DPP6: variants seen among roughly 807,000 people sequenced by gnomAD.
The protein encoded by DPP6 is dipeptidyl peptidase like 6.
DPP6 carries 69 observed loss-of-function variants against 122.6 expected under a neutral mutation model. The observed-to-expected ratio is 0.56, with a 90% confidence interval of 0.46 to 0.69. DPP6 has a LOEUF of 0.69. DPP6 is among the 30% of genes least tolerant of loss of function. The probability of loss-of-function intolerance (pLI) is 0.00; values close to 1 mark genes in which losing one functional copy is unlikely to be tolerated. For synonymous variants in DPP6, 418 were observed against 433.1 expected, an observed-to-expected ratio of 0.97 and a Z score of 0.43; for missense variants, 928 against 1,116.9, an observed-to-expected ratio of 0.83 and a Z score of 2.41.
At chr7:154,575,452 G>GTGTGTGTGGTATGTGTGTA (rs1831562388) in intron 5 of DPP6, among the ~76,000 whole-genome samples, 1 of 120,640 alleles carries the variant, frequency 8.3e-6, no homozygotes, top group East Asian at 2.7e-4. Flanking sequence ...GTGTGTGTAT[G>GTGTGTGTGGTATGTGTGTA]TGTGTGNGCG....
At chr7:154,513,580 G>A (rs1826251248) in intron 3 of DPP6, among the ~76,000 whole-genome samples, 1 of 152,120 alleles carries the variant, frequency 6.6e-6, no homozygotes, top group Non-Finnish European at 1.5e-5. Flanking sequence ...GGTGAAGCAA[G>A]GACTCAGCTC....
intron 5 of DPP6, among the ~76,000 whole-genome samples, chr7:154,579,490 G>T (rs1831902036): frequency 6.6e-6 from 1 of 152,236 alleles, no homozygotes; most frequent in Non-Finnish European, 1.5e-5. Flanking sequence ...AAGAATTAGT[G>T]AAATCAACCA....
chr7:154,437,220 A>T (rs1418801710), intron 1 of DPP6, among the ~76,000 whole-genome samples: 3 of 152,218 alleles, frequency 2.0e-5, no homozygotes, highest in Admixed American at 6.5e-5. Context: ...TTTTTCCATT[A>T]TACTGGATTA....
At chr7:154,810,942 C>A (rs1799021738) in intron 16 of DPP6, among the ~76,000 whole-genome samples, 1 of 152,248 alleles carries the variant, frequency 6.6e-6, no homozygotes, top group South Asian at 2.1e-4. Flanking sequence ...CTAATCCAGT[C>A]TCCACCCTGC....
At chr7:154,475,587 G>A (rs1822658363) in intron 3 of DPP6, 2 of 157,154 alleles carry the variant, frequency 1.3e-5, no homozygotes, top group Non-Finnish European at 2.8e-5. Context: ...TTGTATGGGG[G>A]ATTTTTTTTT....
chr7:154,518,081 A>G lies in DPP6; in HGVS notation c.458-22451A>G, dbSNP rs115175597. 6.0e-3 allele frequency among the ~76,000 whole-genome samples: 918 copies of G among 152,268 alleles called. 10 individuals carry two copies. Among genetic ancestry groups the G allele is most frequent in the African/African-American group, 0.021 (856 of 41,538 alleles). On this transcript the variant is annotated intron_variant, in intron 3 of 25. Coordinates refer to ENST00000377770, the MANE Select transcript of DPP6 (RefSeq NM_130797.4). ...GTACCATTAAAATGAATGCTCCTTCACTCGTAAAAACAATGTCTTGTACCG... is the reference window on the plus strand; with the variant it reads ...GTACCATTAAAATGAATGCTCCTTCGCTCGTAAAAACAATGTCTTGTACCG...
chr7:154,749,535 C>T (rs369343379), intron 8 of DPP6, among the ~76,000 whole-genome samples: 19 of 108,522 alleles, frequency 1.8e-4, no homozygotes, highest in East Asian at 2.7e-4. Context: ...GAGCATAGGA[C>T]GGGAGAGAGA....
intron 1 of DPP6, among the ~76,000 whole-genome samples, chr7:154,428,353 A>T (rs1273254154): frequency 6.6e-6 from 1 of 152,206 alleles, no homozygotes; most frequent in Non-Finnish European, 1.5e-5. Flanking sequence ...TATTCCACTA[A>T]TATAGAGTGA....
chr7:154,342,868 G>A (rs886141996), intron 1 of DPP6, among the ~76,000 whole-genome samples: 10 of 152,194 alleles, frequency 6.6e-5, no homozygotes, highest in African/African-American at 2.4e-4. Context: ...GCCAATCGTG[G>A]CCAAAGCTCT....
intron 1 of DPP6, among the ~76,000 whole-genome samples, chr7:154,318,909 G>A (rs1807674583): frequency 6.6e-6 from 1 of 152,208 alleles, no homozygotes; most frequent in Admixed American, 6.5e-5. Flanking sequence ...TTGGCAGTGA[G>A]GATCATTGAT....
intron 3 of DPP6, among the ~76,000 whole-genome samples, chr7:154,492,949 T>C (rs914700890): frequency 6.6e-6 from 1 of 152,048 alleles, no homozygotes; most frequent in Non-Finnish European, 1.5e-5. Flanking sequence ...AGAAAAACAG[T>C]CAGTAAAAAT....
intron 1 of DPP6, among the ~76,000 whole-genome samples, chr7:154,158,337 T>C (rs1046413374): frequency 1.3e-5 from 2 of 151,526 alleles, no homozygotes; most frequent in Non-Finnish European, 2.9e-5. Flanking sequence ...TTAAAATTTC[T>C]TTTTTCCATT....
At chr7:154,449,695 T>C (rs1820185633) in intron 2 of DPP6, among the ~76,000 whole-genome samples, 1 of 152,080 alleles carries the variant, frequency 6.6e-6, no homozygotes, top group African/African-American at 2.4e-5. Context: ...AAATATCTAT[T>C]TCCCAGAGAA....
At chr7:154,459,369 T>C (rs1250772870) in intron 2 of DPP6, among the ~76,000 whole-genome samples, 1 of 152,192 alleles carries the variant, frequency 6.6e-6, no homozygotes, top group Non-Finnish European at 1.5e-5. Context: ...AGCAAGCCAG[T>C]CATTTGGGAA....
chr7:154,526,373 G>T (rs186248122), intron 3 of DPP6, among the ~76,000 whole-genome samples: 193 of 152,232 alleles, frequency 1.3e-3, no homozygotes, highest in African/African-American at 4.5e-3. Flanking sequence ...TGTAAACTAA[G>T]ACATTCCAAA....
chr7:154,629,008 C>T (rs886677755), intron 5 of DPP6, among the ~76,000 whole-genome samples: 2 of 152,130 alleles, frequency 1.3e-5, no homozygotes, highest in African/African-American at 4.8e-5. Context: ...TTCTCGGACT[C>T]CTCAAGGTTA....
At chr7:154,210,445 G>C (rs1799679251) in intron 1 of DPP6, among the ~76,000 whole-genome samples, 2 of 152,246 alleles carry the variant, frequency 1.3e-5, no homozygotes, top group South Asian at 4.1e-4. Flanking sequence ...ATAACTTCTG[G>C]CAAAATTTAA....
At chr7:154,201,650 A>T (rs4292608) in intron 1 of DPP6, among the ~76,000 whole-genome samples, 128,005 of 152,158 alleles carry the variant, frequency 0.84, 53,926 homozygotes, top group Non-Finnish European at 0.85. Context: ...TCATTTCTGT[A>T]CCCTCTAGTG....
chr7:154,495,401 TTG>T (rs1287728903), intron 3 of DPP6, among the ~76,000 whole-genome samples: 9 of 146,110 alleles, frequency 6.2e-5, no homozygotes, highest in African/African-American at 2.0e-4. Flanking sequence ...TTTTTTTTTT[TTG>T]TTGTTGTTGT....
Sources: gnomAD v4.1 joint callset for allele counts (sites outside exome capture counted in the v4.1 genomes callset) on GRCh38, gnomAD v4.1.1 for gene constraint, MANE v1.5 for transcripts, NCBI Gene and HGNC (gene_info 2026-07-23, HGNC 2026-07-21) for gene names.